KCNIP1: variants seen among roughly 807,000 people sequenced by gnomAD.
KCNIP1 encodes the protein potassium voltage-gated channel interacting protein 1.
Under a neutral mutation model 33.0 loss-of-function variants are expected in KCNIP1, and 18 were observed. The observed-to-expected ratio is 0.55, with a 90% CI of 0.38 to 0.81. The LOEUF is 0.81. KCNIP1 is among the 30% of genes least tolerant of loss of function. The probability of loss-of-function intolerance (pLI) is 0.00; values close to 1 mark genes in which losing one functional copy is unlikely to be tolerated. For synonymous variants in KCNIP1, 93 were observed against 98.3 expected, an observed-to-expected ratio of 0.95 and a Z score of 0.32; for missense variants, 238 against 271.6, an observed-to-expected ratio of 0.88 and a Z score of 0.87.
intron 1 of KCNIP1, among the ~76,000 whole-genome samples, chr5:170,385,149 A>C (rs1024271272): frequency 2.0e-5 from 3 of 151,962 alleles, no homozygotes; most frequent in African/African-American, 7.3e-5. Context: ...AGTTCATCCT[A>C]CCTTCCCTGC....
chr5:170,398,061 A>T (rs1421066246), intron 1 of KCNIP1, among the ~76,000 whole-genome samples: 1 of 152,160 alleles, frequency 6.6e-6, no homozygotes, highest in East Asian at 1.9e-4. Context: ...TAGATTGTAG[A>T]TGTTTCTTAT....
chr5:170,466,745 T>C (rs1756616806), intron 1 of KCNIP1, among the ~76,000 whole-genome samples: 1 of 152,192 alleles, frequency 6.6e-6, no homozygotes, highest in Non-Finnish European at 1.5e-5. Context: ...TCTCTGCGAC[T>C]TCATTTATGA....
At chr5:170,611,643 C>G (rs1475499038) in intron 1 of KCNIP1, among the ~76,000 whole-genome samples, 2 of 152,200 alleles carry the variant, frequency 1.3e-5, no homozygotes, top group East Asian at 1.9e-4. Flanking sequence ...CCCGGCACAC[C>G]CACCTCCCAA....
At chr5:170,626,403 G>T (rs913554638) in intron 1 of KCNIP1, among the ~76,000 whole-genome samples, 1 of 152,152 alleles carries the variant, frequency 6.6e-6, no homozygotes, top group Non-Finnish European at 1.5e-5. Context: ...TTTCTAATGG[G>T]GGTGGGGAAG....
chr5:170,403,157 A>G (rs1005415479), intron 1 of KCNIP1, among the ~76,000 whole-genome samples: 1 of 152,194 alleles, frequency 6.6e-6, no homozygotes, highest in African/African-American at 2.4e-5. Context: ...AGAGAGAGCT[A>G]GAGCTGGAAA....
intron 1 of KCNIP1, among the ~76,000 whole-genome samples, chr5:170,689,129 G>A (rs1419532525): frequency 6.6e-6 from 1 of 152,178 alleles, no homozygotes; most frequent in Admixed American, 6.5e-5. Context: ...TAACACAGGA[G>A]AGCCAACAGA....
chr5:170,490,999 T>C (rs1385042608), intron 1 of KCNIP1, among the ~76,000 whole-genome samples: 1 of 152,252 alleles, frequency 6.6e-6, no homozygotes, highest in Admixed American at 6.5e-5. Context: ...TCAGCCCTAA[T>C]ACAGTTGGCC....
At chr5:170,492,168 C>T (rs1757220810) in intron 1 of KCNIP1, among the ~76,000 whole-genome samples, 1 of 152,132 alleles carries the variant, frequency 6.6e-6, no homozygotes, top group African/African-American at 2.4e-5. Flanking sequence ...AGTCTCAGAC[C>T]CCCTGTACTT....
At chr5:170,664,071 A>C (rs183022308) in intron 1 of KCNIP1, among the ~76,000 whole-genome samples, 2 of 152,186 alleles carry the variant, frequency 1.3e-5, no homozygotes, top group African/African-American at 4.8e-5. Context: ...TCCCATCCTC[A>C]GTGTTAGCCA....
intron 1 of KCNIP1, among the ~76,000 whole-genome samples, chr5:170,642,589 C>T (rs78227854): frequency 1.3e-5 from 2 of 152,186 alleles, no homozygotes; most frequent in Admixed American, 1.3e-4. Context: ...GGCCAGCGCT[C>T]CCATGCCCCA....
intron 1 of KCNIP1, among the ~76,000 whole-genome samples, chr5:170,369,393 C>T (rs1165614557): frequency 1.3e-5 from 2 of 152,262 alleles, no homozygotes; most frequent in East Asian, 3.9e-4. Flanking sequence ...ATTTATTAAC[C>T]GTGACTCTAT....
At chr5:170,421,101 C>T (rs1017090326) in intron 1 of KCNIP1, among the ~76,000 whole-genome samples, 4 of 152,098 alleles carry the variant, frequency 2.6e-5, no homozygotes, top group Non-Finnish European at 5.9e-5. Context: ...ATCAGCTCCC[C>T]GGAAAGAGCT....
rs201379741 is a variant in KCNIP1, at chr5:170,638,032, TG to T, written c.62-80720del. Reference sequence around the variant, plus strand: ...AGAGGTGCCCAAAAAGGGGTGTGTCTGGGGGGTGGGGGGTGGGGATGTTCCA... The same window carrying T: ...AGAGGTGCCCAAAAAGGGGTGTGTCTGGGGGTGGGGGGTGGGGATGTTCCA... On this transcript the variant is annotated intron_variant, in intron 1 of 7. Coordinates refer to ENST00000328939, the MANE Select transcript of KCNIP1 (RefSeq NM_014592.4). Among the ~76,000 whole-genome samples, 164 of 115,662 alleles carry T rather than the reference TG, an allele frequency of 1.4e-3. 1 individual carries two copies. The East Asian group carries it at 0.024, about 17-fold the overall frequency. 75.9% of individuals were successfully genotyped at this position (115,662 alleles called of 152,430 possible).
At position 170,533,477 on chromosome 5, in the gene KCNIP1, C is replaced by T. The variant is rs11957401; in HGVS notation, c.61+28844C>T. On this transcript the variant is annotated intron_variant, in intron 1 of 7. Transcript: ENST00000328939. Reference sequence around the variant, plus strand: ...CTTGAGGCCATGATGCCAGGATCCACGGTGCCCCCAGGCTGAAGAGCCTTA... The same window carrying T: ...CTTGAGGCCATGATGCCAGGATCCATGGTGCCCCCAGGCTGAAGAGCCTTA... 9.9e-3 allele frequency among the ~76,000 whole-genome samples: 1,505 copies of T among 152,280 alleles called. 31 individuals are homozygous for T. The highest frequency in any genetic ancestry group is 0.035 in the African/African-American group (1,435 of 41,548).
intron 1 of KCNIP1, among the ~76,000 whole-genome samples, chr5:170,661,247 C>T (rs1357996964): frequency 2.0e-5 from 3 of 152,092 alleles, no homozygotes; most frequent in Non-Finnish European, 1.5e-5. Flanking sequence ...CATGGGGGGG[C>T]CCACACAGGG....
intron 1 of KCNIP1, among the ~76,000 whole-genome samples, chr5:170,426,401 C>T (rs1279884449): frequency 6.6e-6 from 1 of 152,194 alleles, no homozygotes; most frequent in Admixed American, 6.5e-5. Flanking sequence ...AATTTGGAAG[C>T]CTGACCTTGT....
intron 1 of KCNIP1, among the ~76,000 whole-genome samples, chr5:170,705,039 C>T (rs13172769): frequency 0.06 from 9,107 of 152,240 alleles, 347 homozygotes; most frequent in Middle Eastern, 0.12. Context: ...TAATAAATCA[C>T]GAAGTTCATA....
intron 1 of KCNIP1, among the ~76,000 whole-genome samples, chr5:170,600,810 A>G (rs962200669): frequency 3.9e-5 from 6 of 152,230 alleles, no homozygotes. Flanking sequence ...GACCCTGGGC[A>G]AGCTAGCCCG....
At chr5:170,676,800 C>A (rs775508504) in intron 1 of KCNIP1, among the ~76,000 whole-genome samples, 19 of 152,202 alleles carry the variant, frequency 1.2e-4, no homozygotes, top group Admixed American at 7.2e-4. Context: ...TACACAGCAA[C>A]AAGCAAGCTG....
Sources: gnomAD v4.1 joint callset for allele counts (sites outside exome capture counted in the v4.1 genomes callset) on GRCh38, gnomAD v4.1.1 for gene constraint, MANE v1.5 for transcripts, NCBI Gene and HGNC (gene_info 2026-07-23, HGNC 2026-07-21) for gene names.